ERC2: variants seen among roughly 807,000 people sequenced by gnomAD.
ERC2 encodes the protein ELKS/RAB6-interacting/CAST family member 2, also known as ERC protein 2.
Under a neutral mutation model 114.8 loss-of-function variants are expected in ERC2, and 42 were observed. The observed-to-expected ratio is 0.37, with a 90% CI of 0.29 to 0.47. The LOEUF is 0.47. ERC2 is among the 20% of genes least tolerant of loss of function. The pLI is 0.99. For missense variants in ERC2, 939 were observed against 1,150.7 expected (o/e 0.82, Z 2.66); for synonymous variants, 454 against 425.5 (o/e 1.07, Z -0.82).
At chr3:56,111,869 C>T (rs1244577583) in intron 6 of ERC2, among the ~76,000 whole-genome samples, 1 of 152,138 alleles carries the variant, frequency 6.6e-6, no homozygotes. Context: ...GTTTAACTTA[C>T]AAGAGACATT....
intron 2 of ERC2, among the ~76,000 whole-genome samples, chr3:56,387,865 A>G (rs563182394): frequency 6.6e-6 from 1 of 152,286 alleles, no homozygotes; most frequent in East Asian, 1.9e-4. Flanking sequence ...CTCATTTTCA[A>G]CAATGACTCC....
chr3:56,209,954 T>C (rs2048959531), intron 3 of ERC2, among the ~76,000 whole-genome samples: 2 of 152,144 alleles, frequency 1.3e-5, no homozygotes, highest in Non-Finnish European at 2.9e-5. Flanking sequence ...TACTACAGTA[T>C]AAAAATACAT....
At chr3:55,774,133 C>T (rs965179120) in intron 14 of ERC2, among the ~76,000 whole-genome samples, 1 of 152,174 alleles carries the variant, frequency 6.6e-6, no homozygotes, top group African/African-American at 2.4e-5. Context: ...TAATAGGATA[C>T]ATTCAGTCTC....
At chr3:56,372,155 A>G (rs1011367104) in intron 2 of ERC2, among the ~76,000 whole-genome samples, 1 of 152,266 alleles carries the variant, frequency 6.6e-6, no homozygotes, top group East Asian at 1.9e-4. Context: ...TGAGAACTGT[A>G]CAAGCTGCAA....
At chr3:55,765,176 T>A (rs1257382554) in intron 14 of ERC2, among the ~76,000 whole-genome samples, 1 of 152,220 alleles carries the variant, frequency 6.6e-6, no homozygotes, top group Non-Finnish European at 1.5e-5. Flanking sequence ...AAAACTGGCA[T>A]TCCTAAGATA....
chr3:55,931,398 T>C (rs1437430005), intron 13 of ERC2, among the ~76,000 whole-genome samples: 1 of 152,156 alleles, frequency 6.6e-6, no homozygotes, highest in Non-Finnish European at 1.5e-5. Flanking sequence ...ATGGCACATA[T>C]ACACTATGGA....
chr3:56,151,549 C>T (rs2081411550), intron 4 of ERC2, among the ~76,000 whole-genome samples: 1 of 151,990 alleles, frequency 6.6e-6, no homozygotes, highest in African/African-American at 2.4e-5. Flanking sequence ...AAACGCCAAA[C>T]CAGAGAAGGA....
intron 3 of ERC2, among the ~76,000 whole-genome samples, chr3:56,231,891 A>G (rs1256893493): frequency 6.6e-6 from 1 of 152,206 alleles, no homozygotes; most frequent in Non-Finnish European, 1.5e-5. Flanking sequence ...TTAACTCTTC[A>G]GTTGCCTCCA....
At chr3:55,808,723 AT>A (rs1559689248) in intron 14 of ERC2, among the ~76,000 whole-genome samples, 4,429 of 125,420 alleles carry the variant, frequency 0.035, 209 homozygotes, top group Middle Eastern at 0.085. Context: ...ATATATATAT[AT>A]ATATATATAT....
chr3:55,713,114 C>G (rs1180506242), intron 15 of ERC2, among the ~76,000 whole-genome samples: 1 of 114,198 alleles, frequency 8.8e-6, no homozygotes, highest in East Asian at 2.2e-4. Flanking sequence ...CTCTCTCTCT[C>G]TCTCTCTCTC....
Position 56,330,544 on chromosome 3 carries a change from A to G in ERC2, c.658-34109T>C, listed in dbSNP as rs565110406. 1.3e-3 allele frequency among the ~76,000 whole-genome samples: 197 copies of G among 152,318 alleles called. 1 individual carries two copies. Among genetic ancestry groups the G allele is most frequent in the African/African-American group, 4.6e-3 (193 of 41,578 alleles). ...CCTATATTACCTATAGATTAGAAAGAGTTTGCTAAAATAAATTTACTGGAT... is the reference window on the plus strand; with the variant it reads ...CCTATATTACCTATAGATTAGAAAGGGTTTGCTAAAATAAATTTACTGGAT... On this transcript the variant is annotated intron_variant, in intron 2 of 17. Transcript: ENST00000288221.
Position 56,377,959 on chromosome 3 carries a change from T to A in ERC2, c.657+56392A>T, listed in dbSNP as rs889118171. Among the ~76,000 whole-genome samples the A allele has an allele frequency of 7.2e-5, 11 of 152,272 alleles. No homozygotes were observed. The East Asian group carries it at 1.2e-3, about 16-fold the overall frequency. ...AATCAATTAAGTGGAAGATTTTGCA[T>A]GCATGTATGTGAATTTCACATTTTT... On this transcript the variant is annotated intron_variant, in intron 2 of 17. Transcript: ENST00000288221.
chr3:55,584,998 T>C (rs1438290495), intron 17 of ERC2, among the ~76,000 whole-genome samples: 1 of 152,202 alleles, frequency 6.6e-6, no homozygotes, highest in Non-Finnish European at 1.5e-5. Context: ...GTCTTTGCTG[T>C]TTCGGGAGCC....
chr3:55,919,077 G>C (rs1418398399), intron 13 of ERC2, among the ~76,000 whole-genome samples: 2 of 152,062 alleles, frequency 1.3e-5, no homozygotes, highest in African/African-American at 4.8e-5. Context: ...CCAAAAAATG[G>C]ATATTTAAAG....
intron 8 of ERC2, among the ~76,000 whole-genome samples, chr3:56,018,325 T>A (rs188332172): frequency 1.3e-4 from 20 of 152,292 alleles, no homozygotes; most frequent in Admixed American, 5.2e-4. Flanking sequence ...TCCACATTCT[T>A]GACTACTGCA....
At chr3:55,711,949 C>T (rs2063798743) in intron 15 of ERC2, among the ~76,000 whole-genome samples, 1 of 152,208 alleles carries the variant, frequency 6.6e-6, no homozygotes, top group African/African-American at 2.4e-5. Context: ...CAATCAACAT[C>T]CAGCCTGTAC....
chr3:55,755,285 G>A (rs772518096), intron 14 of ERC2, among the ~76,000 whole-genome samples: 3 of 152,096 alleles, frequency 2.0e-5, no homozygotes, highest in African/African-American at 4.8e-5. Flanking sequence ...CAGCATTCAC[G>A]ATGAGGAATG....
rs763171436 is a variant in ERC2, at chr3:55,699,406, T to C, written c.2819A>G (p.His940Arg). 2 of 1,613,806 alleles carry C rather than the reference T, an allele frequency of 1.2e-6. No individual in the cohort carries two copies. Among genetic ancestry groups the C allele is most frequent in the South Asian group, 2.2e-5 (2 of 91,070 alleles). Residue 940 changes from histidine (H) to arginine (R), a missense_variant, in exon 16 of 18, where the codon CAT becomes CGT. This residue lies in a region of ERC2 where 328 missense variants were observed against 353.9 expected (regional missense o/e 0.93). Coordinates refer to ENST00000288221, the MANE Select transcript of ERC2 (RefSeq NM_015576.3). The part of the protein sequence containing the change: ...HHHRSPGRSQ[H>R]SNHRPSPDQD... The stretch of plus-strand genomic sequence containing the variant: ...GTCCGGAGAGGGCCTGTGATTGGAA[T>C]GTTGCGACCTCCCAGGAGATCGATG...
intron 17 of ERC2, among the ~76,000 whole-genome samples, chr3:55,542,379 C>T (rs1171493871): frequency 6.6e-6 from 1 of 152,164 alleles, no homozygotes; most frequent in Non-Finnish European, 1.5e-5. Context: ...CACTGTGGCT[C>T]TGTGAAAAGA....
Sources: gnomAD v4.1 joint callset for allele counts (sites outside exome capture counted in the v4.1 genomes callset) on GRCh38, gnomAD v4.1.1 for gene constraint, gnomAD v4.1.1 regional missense constraint, MANE v1.5 for transcripts, NCBI Gene and HGNC (gene_info 2026-07-23, HGNC 2026-07-21) for gene names.